Variants in PRKCA observed in about 807,000 individuals in gnomAD.
PRKCA encodes the protein protein kinase C alpha.
Under a neutral mutation model 87.0 loss-of-function variants are expected in PRKCA, and 27 were observed. The observed-to-expected ratio is 0.31, with a 90% CI of 0.23 to 0.43. The LOEUF (loss-of-function observed/expected upper bound fraction) is 0.43. Among genes scored for constraint, PRKCA ranks in the 20% least tolerant of loss-of-function variants. The pLI, the probability that PRKCA is intolerant of heterozygous loss-of-function variation, is 1.00. For missense variants in PRKCA, 518 were observed against 852.3 expected (o/e 0.61, Z 4.88); for synonymous variants, 329 against 311.1 (o/e 1.06, Z -0.61).
chr17:66,421,078 GA>G, intron 2 of PRKCA, among the ~76,000 whole-genome samples: 1 of 152,364 alleles, frequency 6.6e-6, no homozygotes, highest in African/African-American at 2.4e-5. Context: ...CAATGAAGAT[GA>G]AAAACGCATG....
Position 66,430,472 on chromosome 17 carries a change from A to C in PRKCA, c.206-65729A>C, listed in dbSNP as rs553915045. Among the ~76,000 whole-genome samples the C allele has an allele frequency of 2.0e-5, 3 of 151,906 alleles. No individual in the cohort carries two copies. The East Asian group carries it at 6.0e-4, about 30-fold the overall frequency. The stretch of plus-strand genomic sequence containing the variant: ...CAAAACCTGTGCTTGGGTTCGTGGT[A>C]AGCCATCTGAGGCATCTGCTGTGTT... On this transcript the variant is annotated intron_variant, in intron 2 of 16. Transcript: ENST00000413366.
intron 8 of PRKCA, among the ~76,000 whole-genome samples, chr17:66,717,879 G>A (rs1008017834): frequency 6.6e-6 from 1 of 152,190 alleles, no homozygotes; most frequent in East Asian, 1.9e-4. Context: ...CCTGTGATTT[G>A]CTGGTCACCT....
chr17:66,681,988 C>G (rs1358721534), intron 5 of PRKCA, among the ~76,000 whole-genome samples: 1 of 152,260 alleles, frequency 6.6e-6, no homozygotes, highest in Non-Finnish European at 1.5e-5. Context: ...CTAGCCTGCA[C>G]TGTGCCATCT....
intron 2 of PRKCA, among the ~76,000 whole-genome samples, chr17:66,489,071 G>A (rs760391140): frequency 2.6e-5 from 4 of 151,794 alleles, no homozygotes; most frequent in South Asian, 2.1e-4. Flanking sequence ...ACCATATCAC[G>A]TGATGGCAAC....
intron 3 of PRKCA, among the ~76,000 whole-genome samples, chr17:66,587,345 A>G (rs531890931): frequency 3.5e-4 from 53 of 152,304 alleles, no homozygotes; most frequent in African/African-American, 1.2e-3. Flanking sequence ...CTTATAATCT[A>G]GCATCATTTT....
intron 2 of PRKCA, among the ~76,000 whole-genome samples, chr17:66,444,011 G>A (rs564478886): frequency 1.3e-5 from 2 of 152,290 alleles, no homozygotes; most frequent in African/African-American, 4.8e-5. Context: ...GAAGGCTGTT[G>A]AGTCTTTTTC....
intron 2 of PRKCA, among the ~76,000 whole-genome samples, chr17:66,419,874 A>T (rs887750587): frequency 6.6e-6 from 1 of 152,076 alleles, no homozygotes; most frequent in African/African-American, 2.4e-5. Context: ...AGGTCCATCC[A>T]TGTATTTCTT....
At chr17:66,525,066 T>C (rs1967299260) in intron 3 of PRKCA, among the ~76,000 whole-genome samples, 1 of 152,202 alleles carries the variant, frequency 6.6e-6, no homozygotes, top group Non-Finnish European at 1.5e-5. Flanking sequence ...CAGAATGCAG[T>C]GCAGTTGACA....
intron 2 of PRKCA, among the ~76,000 whole-genome samples, chr17:66,490,733 A>G (rs1202536967): frequency 1.3e-5 from 2 of 152,182 alleles, no homozygotes; most frequent in Non-Finnish European, 2.9e-5. Flanking sequence ...GGCACAAGCC[A>G]CTATGCCTTG....
intron 3 of PRKCA, among the ~76,000 whole-genome samples, chr17:66,608,645 A>G (rs951276422): frequency 1.3e-5 from 2 of 152,202 alleles, no homozygotes; most frequent in Non-Finnish European, 2.9e-5. Flanking sequence ...AACAAACAAA[A>G]ATCCTCCAGT....
At chr17:66,522,829 A>G (rs1276609790) in intron 3 of PRKCA, among the ~76,000 whole-genome samples, 1 of 150,704 alleles carries the variant, frequency 6.6e-6, no homozygotes, top group Non-Finnish European at 1.5e-5. Context: ...AAAAAGAAGA[A>G]GCCAGGCCCC....
intron 3 of PRKCA, among the ~76,000 whole-genome samples, chr17:66,502,495 A>T (rs1916779739): frequency 6.6e-6 from 1 of 152,110 alleles, no homozygotes; most frequent in South Asian, 2.1e-4. Context: ...TAGGCCTCCC[A>T]AAGTGCTGGG....
chr17:66,423,308 C>T (rs944504963), intron 2 of PRKCA, among the ~76,000 whole-genome samples: 2 of 152,192 alleles, frequency 1.3e-5, no homozygotes, highest in African/African-American at 4.8e-5. Context: ...TTGTCTGATG[C>T]AACCTTTTAT....
intron 13 of PRKCA, among the ~76,000 whole-genome samples, chr17:66,753,655 G>A (rs142849837): frequency 0.013 from 1,919 of 152,298 alleles, 20 homozygotes; most frequent in Middle Eastern, 0.031. Context: ...CAGTGTGACT[G>A]TTCTGTAGAG....
intron 2 of PRKCA, among the ~76,000 whole-genome samples, chr17:66,379,947 A>G (rs183179187): frequency 2.0e-5 from 3 of 152,212 alleles, no homozygotes; most frequent in African/African-American, 7.2e-5. Flanking sequence ...AGCTAAAAAA[A>G]AAATAGCCTT....
At chr17:66,732,857 G>T in intron 9 of PRKCA, 32 bp downstream of exon 9, 1 of 1,597,888 alleles carries the variant, frequency 6.3e-7, no homozygotes, top group Non-Finnish European at 8.5e-7. Context: ...AATTGCAGGG[G>T]CTTCTGCAGA....
At chr17:66,330,876 A>G (rs563340974) in intron 2 of PRKCA, among the ~76,000 whole-genome samples, 1 of 152,352 alleles carries the variant, frequency 6.6e-6, no homozygotes, top group Admixed American at 6.5e-5. Context: ...GTAGGGATGA[A>G]TAAAGCACAT....
intron 16 of PRKCA, among the ~76,000 whole-genome samples, chr17:66,789,313 G>A (rs750105862): frequency 8.5e-5 from 13 of 152,336 alleles, no homozygotes; most frequent in Non-Finnish European, 1.5e-4. Context: ...CAGCAGGGCC[G>A]TATTCACAGC....
At chr17:66,670,259 A>T (rs1358472824) in intron 5 of PRKCA, among the ~76,000 whole-genome samples, 2 of 152,256 alleles carry the variant, frequency 1.3e-5, no homozygotes, top group Non-Finnish European at 2.9e-5. Context: ...TCATATAAGG[A>T]TAAGCAGTAA....
Sources: allele counts gnomAD v4.1 joint callset (sites outside exome capture counted in the v4.1 genomes callset), GRCh38; gene constraint gnomAD v4.1.1; transcripts MANE v1.5; gene names NCBI Gene and HGNC (gene_info 2026-07-23, HGNC 2026-07-21).